The following PTPRD variants were observed in gnomAD, a reference collection of about 807,000 sequenced individuals.
PTPRD encodes receptor-type tyrosine-protein phosphatase delta.
In PTPRD, 34 loss-of-function variants were observed where a neutral mutation model predicts 214.5. The ratio of observed to expected loss-of-function variants is 0.16; its 90% CI spans 0.12 to 0.21. The LOEUF is 0.21. Among genes scored for constraint, PTPRD ranks in the 10% least tolerant of loss-of-function variants. The pLI is 1.00. For missense variants in PTPRD, 2,545 were observed against 2,398.7 expected, an observed-to-expected ratio of 1.06 and a Z score of -1.27; for synonymous variants, 1,128 against 845.7, an observed-to-expected ratio of 1.33 and a Z score of -5.79.
At chr9:9,512,779 A>G (rs1331222238) in intron 8 of PTPRD, among the ~76,000 whole-genome samples, 1 of 151,546 alleles carries the variant, frequency 6.6e-6, no homozygotes, top group African/African-American at 2.4e-5. Flanking sequence ...TAGTACCCAT[A>G]TGTCTATGGC....
chr9:8,449,463 ATAT>A (rs1285974171), intron 34 of PTPRD, among the ~76,000 whole-genome samples: 1 of 152,216 alleles, frequency 6.6e-6, no homozygotes, highest in Non-Finnish European at 1.5e-5. Context: ...AAAATGGTAG[ATAT>A]TATTATAAAG....
intron 11 of PTPRD, among the ~76,000 whole-genome samples, chr9:8,835,672 G>T (rs1462426200): frequency 6.6e-6 from 1 of 152,128 alleles, no homozygotes; most frequent in Non-Finnish European, 1.5e-5. Context: ...TGGAACCACA[G>T]GTGTGTGTCA....
intron 14 of PTPRD, among the ~76,000 whole-genome samples, chr9:8,542,938 G>C (rs1374010501): frequency 6.6e-6 from 1 of 152,172 alleles, no homozygotes; most frequent in African/African-American, 2.4e-5. Context: ...AGACAGTTGA[G>C]CATGCAAGGG....
intron 3 of PTPRD, among the ~76,000 whole-genome samples, chr9:10,052,858 T>C (rs1341526142): frequency 6.6e-6 from 1 of 152,166 alleles, no homozygotes; most frequent in Non-Finnish European, 1.5e-5. Context: ...CCTCCATTCC[T>C]ATGGCAAAGA....
chr9:10,140,307 A>C (rs1476243253), intron 3 of PTPRD, among the ~76,000 whole-genome samples: 1 of 149,056 alleles, frequency 6.7e-6, no homozygotes, highest in African/African-American at 2.5e-5. Context: ...GAAGACATAC[A>C]AGCAGAAAAC....
intron 14 of PTPRD, among the ~76,000 whole-genome samples, chr9:8,579,904 T>G (rs2092889942): frequency 6.6e-6 from 1 of 152,140 alleles, no homozygotes; most frequent in African/African-American, 2.4e-5. Context: ...GGCTAAACAG[T>G]TCCCTCTTTT....
At chr9:9,537,952 C>T (rs1405663998) in intron 8 of PTPRD, among the ~76,000 whole-genome samples, 3 of 151,540 alleles carry the variant, frequency 2.0e-5, no homozygotes, top group Admixed American at 6.6e-5. Flanking sequence ...GTATCCTTAT[C>T]CTCATTCGTT....
chr9:10,173,488 A>G (rs990801368), intron 3 of PTPRD, among the ~76,000 whole-genome samples: 2 of 152,184 alleles, frequency 1.3e-5, no homozygotes, highest in Admixed American at 1.3e-4. Flanking sequence ...AACTGAAGTC[A>G]TTCATGTTCC....
intron 10 of PTPRD, among the ~76,000 whole-genome samples, chr9:9,023,521 G>C (rs902709573): frequency 6.6e-6 from 1 of 151,868 alleles, no homozygotes; most frequent in African/African-American, 2.4e-5. Flanking sequence ...TTTACACTTA[G>C]TTGCTTTTAT....
chr9:8,384,061 A>C (rs1234565369), intron 37 of PTPRD, among the ~76,000 whole-genome samples: 1 of 152,168 alleles, frequency 6.6e-6, no homozygotes, highest in African/African-American at 2.4e-5. Flanking sequence ...TCACACACTA[A>C]ATAATAATTT....
intron 2 of PTPRD, among the ~76,000 whole-genome samples, chr9:10,411,184 G>A (rs188459501): frequency 9.2e-5 from 14 of 151,766 alleles, no homozygotes; most frequent in African/African-American, 3.4e-4. Flanking sequence ...GAACTTCTAA[G>A]GCTTTTAAAC....
intron 30 of PTPRD, among the ~76,000 whole-genome samples, chr9:8,483,704 G>A (rs1049253090): frequency 2.6e-4 from 39 of 152,178 alleles, no homozygotes; most frequent in African/African-American, 8.2e-4. Context: ...TCTTGAACCC[G>A]GGAGGTGGAG....
rs74912183 is a variant in PTPRD at position 9,543,043 on chromosome 9, T to C, written c.-237+31689A>G. On this transcript the variant is annotated intron_variant, in intron 8 of 45. Transcript: ENST00000381196. ...TCTTGTGTGAGAATAATCATACCAA[T>C]TGAAAACAATGCAAGTGCTCATATA... Among the ~76,000 whole-genome samples, 831 of 151,780 alleles carry C rather than the reference T, an allele frequency of 5.5e-3. 8 individuals are homozygous for C. The highest frequency in any genetic ancestry group is 0.028 in the East Asian group (142 of 5,160).
chr9:8,768,048 G>C (rs1170998771), intron 11 of PTPRD, among the ~76,000 whole-genome samples: 5 of 152,160 alleles, frequency 3.3e-5, no homozygotes, highest in Admixed American at 6.5e-5. Flanking sequence ...AAATACAGTA[G>C]GGTCTGGAAG....
Position 8,739,828 on chromosome 9 carries a change from A to G in PTPRD, c.-103-5882T>C, listed in dbSNP as rs2091459882. Among the ~76,000 whole-genome samples, 6 of 152,270 alleles carry G rather than the reference A, an allele frequency of 3.9e-5. No homozygotes were observed. In the South Asian group the frequency reaches 1.2e-3, roughly 32 times the overall value. On this transcript the variant is annotated intron_variant, in intron 11 of 45. Transcript: ENST00000381196. ...GGCAGGGCTTTCCTGTGCTGTTCCCATGATAGTGAATAAGTCTCATGAGAT... is the reference window on the plus strand; with the variant it reads ...GGCAGGGCTTTCCTGTGCTGTTCCCGTGATAGTGAATAAGTCTCATGAGAT...
At chr9:9,792,915 T>C (rs1391426291) in intron 5 of PTPRD, among the ~76,000 whole-genome samples, 1 of 152,128 alleles carries the variant, frequency 6.6e-6, no homozygotes, top group Non-Finnish European at 1.5e-5. Context: ...TAAGGGGTAT[T>C]AAAATGGAGT....
intron 2 of PTPRD, among the ~76,000 whole-genome samples, chr9:10,586,466 C>T (rs887043434): frequency 2.6e-5 from 4 of 152,000 alleles, no homozygotes; most frequent in Non-Finnish European, 5.9e-5. Context: ...TCGAAAAGCA[C>T]TGTTTTAAAG....
intron 2 of PTPRD, among the ~76,000 whole-genome samples, chr9:10,387,544 C>A (rs2097942648): frequency 6.6e-6 from 1 of 151,868 alleles, no homozygotes; most frequent in East Asian, 2.0e-4. Context: ...CCTTTCCTCC[C>A]TGGGAAATTA....
chr9:9,169,270 A>C (rs73403422), intron 10 of PTPRD, among the ~76,000 whole-genome samples: 10,884 of 152,216 alleles, frequency 0.072, 453 homozygotes, highest in Middle Eastern at 0.11. Flanking sequence ...TAAAGGTCAT[A>C]CTACAAAAAT....
Sources: allele counts gnomAD v4.1 joint callset (sites outside exome capture counted in the v4.1 genomes callset), GRCh38; gene constraint gnomAD v4.1.1; transcripts MANE v1.5; gene names NCBI Gene and HGNC (gene_info 2026-07-23, HGNC 2026-07-21).